The following ZNG1C variants were observed in gnomAD, a reference collection of about 807,000 sequenced individuals.
ZNG1C encodes zinc-regulated GTPase metalloprotein activator 1C.
chr9:68,297,317 A>C, the ZNG1C span, among the ~76,000 whole-genome samples: 1 of 115,168 alleles, frequency 8.7e-6, no homozygotes, highest in Non-Finnish European at 1.9e-5. Context: ...GGACCCTTTC[A>C]TCAGGGTTTC....
the ZNG1C span, among the ~76,000 whole-genome samples, chr9:68,256,589 A>C: frequency 9.2e-6 from 1 of 108,734 alleles, no homozygotes; most frequent in African/African-American, 3.6e-5. Context: ...TGATGTGCAC[A>C]AAGCCATACT....
the ZNG1C span, among the ~76,000 whole-genome samples, chr9:68,295,794 T>TA: frequency 1.4e-4 from 9 of 65,880 alleles, no homozygotes; most frequent in Non-Finnish European, 2.9e-4. Flanking sequence ...ATGGCCATAA[T>TA]AAAAAAATCA....
the ZNG1C span, among the ~76,000 whole-genome samples, chr9:68,294,099 C>G: frequency 2.0e-5 from 3 of 151,828 alleles, no homozygotes; most frequent in Non-Finnish European, 2.9e-5. Flanking sequence ...AAGATGAAAT[C>G]AAGATGGAAA....
the ZNG1C span, among the ~76,000 whole-genome samples, chr9:68,296,718 G>T: frequency 2.6e-5 from 4 of 151,396 alleles, no homozygotes; most frequent in African/African-American, 7.3e-5. Flanking sequence ...CCAAGGTGGG[G>T]TGTATGTTTT....
chr9:68,284,849 G>A, the ZNG1C span, among the ~76,000 whole-genome samples: 2 of 149,046 alleles, frequency 1.3e-5, no homozygotes, highest in African/African-American at 2.5e-5. Context: ...TCGAGGGCAT[G>A]AAATTCTGAG....
the ZNG1C span, among the ~76,000 whole-genome samples, chr9:68,256,743 G>A: frequency 1.6e-5 from 2 of 123,242 alleles, no homozygotes; most frequent in Admixed American, 1.8e-4. Context: ...ATAGTAAAAG[G>A]TTCTATCACT....
At chr9:68,288,648 T>C in the ZNG1C span, among the ~76,000 whole-genome samples, 1 of 2,624 alleles carries the variant, frequency 3.8e-4, no homozygotes, top group African/African-American at 5.3e-4. Flanking sequence ...AATTTTTGTA[T>C]TTTTTTTTTT....
At chr9:68,266,551 ATCTT>A in the ZNG1C span, among the ~76,000 whole-genome samples, 4 of 146,306 alleles carry the variant, frequency 2.7e-5, no homozygotes, top group African/African-American at 1.0e-4. Context: ...TTCGCACTCC[ATCTT>A]TCTTTTCCTG....
chr9:68,267,583 GC>G, the ZNG1C span, among the ~76,000 whole-genome samples: 1 of 51,426 alleles, frequency 1.9e-5, no homozygotes, highest in Non-Finnish European at 4.1e-5. Flanking sequence ...TTTGCACAGT[GC>G]TGACACATAG....
the ZNG1C span, among the ~76,000 whole-genome samples, chr9:68,245,651 G>A: frequency 3.3e-3 from 169 of 50,924 alleles, 65 homozygotes; most frequent in African/African-American, 9.8e-3. Flanking sequence ...CCAGGCTGGA[G>A]TGCAGTGGTG....
the ZNG1C span, among the ~76,000 whole-genome samples, chr9:68,291,679 T>C: frequency 2.1e-5 from 3 of 144,454 alleles, no homozygotes; most frequent in South Asian, 2.2e-4. Flanking sequence ...TCAATTTGAA[T>C]CTTTTTTTAG....
At chr9:68,284,895 A>AT in the ZNG1C span, among the ~76,000 whole-genome samples, 3,308 of 123,714 alleles carry the variant, frequency 0.027, 1 homozygote, top group South Asian at 0.035. Context: ...TCGTTGTTAG[A>AT]TTTTTTTTTT....
the ZNG1C span, among the ~76,000 whole-genome samples, chr9:68,244,686 G>A: frequency 5.0e-5 from 6 of 120,124 alleles, no homozygotes; most frequent in Admixed American, 2.6e-4. Context: ...TAGTGTGTAC[G>A]GTTCACAAGA....
At chr9:68,247,778 T>C in the ZNG1C span, 1 of 525,040 alleles carries the variant, frequency 1.9e-6, no homozygotes, top group Non-Finnish European at 3.3e-6. Flanking sequence ...CAGCTTTAAT[T>C]TTCTTGAGTA....
At chr9:68,299,878 C>T in the ZNG1C span, 1 of 179,512 alleles carries the variant, frequency 5.6e-6, no homozygotes, top group Non-Finnish European at 1.2e-5. Context: ...AATGATGATA[C>T]AACTTTCAAC....
the ZNG1C span, chr9:68,274,440 G>C: frequency 5.6e-6 from 1 of 178,118 alleles, no homozygotes; most frequent in South Asian, 1.1e-4. Context: ...TTTGTACATT[G>C]GTTATTTGAC....
the ZNG1C span, among the ~76,000 whole-genome samples, chr9:68,264,860 T>G: frequency 2.3e-5 from 2 of 86,112 alleles, no homozygotes; most frequent in African/African-American, 4.3e-5. Context: ...TATATATGTA[T>G]AATAATAATT....
the ZNG1C span, among the ~76,000 whole-genome samples, chr9:68,266,751 G>T: frequency 6.9e-6 from 1 of 145,144 alleles, no homozygotes; most frequent in Admixed American, 6.9e-5. Context: ...AGCCTATTCT[G>T]TCTCTCCCCG....
At chr9:68,297,045 A>ATT in the ZNG1C span, among the ~76,000 whole-genome samples, 3 of 148,866 alleles carry the variant, frequency 2.0e-5, no homozygotes, top group Non-Finnish European at 4.5e-5. Context: ...TTTCTTTTGT[A>ATT]TTTTTTTTTT....
Sources: gnomAD v4.1 joint callset for allele counts (sites outside exome capture counted in the v4.1 genomes callset) on GRCh38, gnomAD v4.1.1 for gene constraint, MANE v1.5 for transcripts, NCBI Gene and HGNC (gene_info 2026-07-23, HGNC 2026-07-21) for gene names.